Variants in IQCH observed in about 807,000 individuals in gnomAD.
The protein encoded by IQCH is IQ motif containing H, also known as IQ domain-containing protein H.
In IQCH, 98 loss-of-function variants were observed where a neutral mutation model predicts 117.0. That is an observed-to-expected ratio of 0.84 (90% confidence interval 0.71 to 0.99). IQCH has a LOEUF of 0.99. Among genes scored for constraint, IQCH ranks in the 50% least tolerant of loss-of-function variants. The pLI, the probability that IQCH is intolerant of heterozygous loss-of-function variation, is 0.00. For synonymous variants in IQCH, 412 were observed against 448.2 expected, an observed-to-expected ratio of 0.92 and a Z score of 1.02; for missense variants, 1,102 against 1,243.8, an observed-to-expected ratio of 0.89 and a Z score of 1.72.
chr15:67,450,393 A>T (rs1376803874), intron 16 of IQCH, among the ~76,000 whole-genome samples: 4 of 152,158 alleles, frequency 2.6e-5, no homozygotes, highest in African/African-American at 9.6e-5. Context: ...TTGAGATACG[A>T]CCCATCAATA....
rs1381939430 is a variant in IQCH, at chr15:67,385,576, T to C, written c.1456+557T>C. 6.6e-6 allele frequency among the ~76,000 whole-genome samples: 1 copy of C among 152,200 alleles called. No homozygotes were observed. The highest frequency in any genetic ancestry group is 1.5e-5 in the Non-Finnish European group (1 of 68,034). On this transcript the variant is annotated intron_variant, in intron 11 of 20. Transcript: ENST00000335894. This position sits in a 1 kb window ranked among gnomAD's most constrained non-coding sequence, Gnocchi z 4.6. ...TGATTCAGTGATGTATACATCTTTG[T>C]AAAAGTCAGGTTCTGATACTGGTTT...
rs1481620676 is a variant in IQCH at position 67,391,694 on chromosome 15, C to T, written c.1632+2688C>T. ...AATCCACTGCCTGGATCTGATGATA[C>T]TGATGTTCTCCAAATGGTCATACAA... On this transcript the variant is annotated intron_variant, in intron 12 of 20. Coordinates refer to ENST00000335894, the MANE Select transcript of IQCH (RefSeq NM_001031715.3). The surrounding 1 kb of genome is among the most constrained non-coding windows in gnomAD (Gnocchi z 4.3). Among the ~76,000 whole-genome samples the T allele has an allele frequency of 1.3e-5, 2 of 152,164 alleles. No homozygotes were observed. The highest frequency in any genetic ancestry group is 1.9e-4 in the East Asian group (1 of 5,196).
At position 67,491,545 on chromosome 15, in the gene IQCH, T is replaced by C. The variant is rs2083654240; in HGVS notation, c.2861+1481T>C. On this transcript the variant is annotated intron_variant, in intron 19 of 20. Coordinates refer to ENST00000335894, the MANE Select transcript of IQCH (RefSeq NM_001031715.3). The surrounding 1 kb of genome is among the most constrained non-coding windows in gnomAD (Gnocchi z 4.9). ...GTTTCAGTCTTCCCCCAAGATCCCA[T>C]AAACATGCAAAACTTATTGGGTCTT... 6.6e-6 allele frequency among the ~76,000 whole-genome samples: 1 copy of C among 152,098 alleles called. No individual in the cohort carries two copies. The highest frequency in any genetic ancestry group is 2.1e-4 in the South Asian group (1 of 4,826).
Position 67,432,050 on chromosome 15 carries a change from A to T in IQCH, c.2505+10473A>T, listed in dbSNP as rs934421721. Among the ~76,000 whole-genome samples, 10 of 152,202 alleles carry T rather than the reference A, an allele frequency of 6.6e-5. No individual in the cohort carries two copies. Among genetic ancestry groups the T allele is most frequent in the Admixed American group, 4.6e-4 (7 of 15,274 alleles). ...GCAAGACCCTGTCTCAAAAATAAAT[A>T]AATAAATTAACTCTTATTTTAGATA... On this transcript the variant is annotated intron_variant, in intron 16 of 20. Transcript: ENST00000335894. This position sits in a 1 kb window ranked among gnomAD's most constrained non-coding sequence, Gnocchi z 5.0.
rs906434837 is a variant in IQCH, at chr15:67,425,481, A to T, written c.2505+3904A>T. 6.6e-6 allele frequency among the ~76,000 whole-genome samples: 1 copy of T among 152,148 alleles called. No individual in the cohort carries two copies. The highest frequency in any genetic ancestry group is 1.9e-4 in the East Asian group (1 of 5,196). On this transcript the variant is annotated intron_variant, in intron 16 of 20. Coordinates refer to ENST00000335894, the MANE Select transcript of IQCH (RefSeq NM_001031715.3). The surrounding 1 kb of genome is among the most constrained non-coding windows in gnomAD (Gnocchi z 5.5). The stretch of plus-strand genomic sequence containing the variant: ...ACAAAAATTAGCTGGGCGTGGTGGC[A>T]TGTGCCTGTAGTCCCAGCTGCCCGG...
Position 67,472,969 on chromosome 15 carries a change from G to A in IQCH, c.2677-2727G>A, listed in dbSNP as rs2083108699. 6.6e-6 allele frequency among the ~76,000 whole-genome samples: 1 copy of A among 152,112 alleles called. No individual in the cohort carries two copies. The highest frequency in any genetic ancestry group is 2.4e-5 in the African/African-American group (1 of 41,418). On this transcript the variant is annotated intron_variant, in intron 17 of 20. Coordinates refer to ENST00000335894, the MANE Select transcript of IQCH (RefSeq NM_001031715.3). The surrounding 1 kb of genome is among the most constrained non-coding windows in gnomAD (Gnocchi z 4.3). ...TGTTGTCTAGTAATCATGTACTACT[G>A]GACAGTAAGCTCTTCTGCTGTGCTT... is the stretch of plus-strand genomic sequence containing the variant.
At chr15:67,362,589 CT>C (rs987994271) in intron 8 of IQCH, among the ~76,000 whole-genome samples, 5 of 152,200 alleles carry the variant, frequency 3.3e-5, no homozygotes, top group Admixed American at 2.0e-4. Flanking sequence ...ATCACTGCCC[CT>C]ATCTGCTCTC....
rs182861372 is a variant in IQCH, at chr15:67,398,794, C to A, written c.1906-1320C>A. Among the ~76,000 whole-genome samples, 15 of 151,976 alleles carry A rather than the reference C, an allele frequency of 9.9e-5. No individual in the cohort carries two copies. In the East Asian group the frequency reaches 2.5e-3, roughly 25 times the overall value. ...AAAGAGGATAAGAGTGTCACAGAAT[C>A]CTTCCGTACAGAAAACCATAGCCAA... On this transcript the variant is annotated intron_variant, in intron 13 of 20. Coordinates refer to ENST00000335894, the MANE Select transcript of IQCH (RefSeq NM_001031715.3).
At position 67,405,593 on chromosome 15, in the gene IQCH, TATTCTC is replaced by T. The variant is rs1227072711; in HGVS notation, c.2097+5290_2097+5295del. 1 of 152,234 alleles carries T rather than the reference TATTCTC, an allele frequency of 6.6e-6. No individual in the cohort carries two copies. The highest frequency in any genetic ancestry group is 1.5e-5 in the Non-Finnish European group (1 of 68,046). 9.4% of individuals were successfully genotyped at this position (152,234 alleles called of 1,614,324 possible). ...ACTTCTGTTTACAGATGAAGAAACTTATTCTCAAGAAGTGACTTGCCCAAATTTATA... is the reference window on the plus strand; with the variant it reads ...ACTTCTGTTTACAGATGAAGAAACTTAAGAAGTGACTTGCCCAAATTTATA... On this transcript the variant is annotated intron_variant, in intron 14 of 20. Transcript: ENST00000335894. The surrounding 1 kb of genome is among the most constrained non-coding windows in gnomAD (Gnocchi z 4.8).
At chr15:67,380,157 GTTC>G (rs1970876932) in intron 10 of IQCH, among the ~76,000 whole-genome samples, 1 of 152,102 alleles carries the variant, frequency 6.6e-6, no homozygotes, top group Non-Finnish European at 1.5e-5. Flanking sequence ...CAGCCAGGTA[GTTC>G]TTTATAGCAG....
At chr15:67,488,846 A>C (rs1567230851) in intron 18 of IQCH, among the ~76,000 whole-genome samples, 2 of 152,030 alleles carry the variant, frequency 1.3e-5, no homozygotes, top group African/African-American at 4.8e-5. Flanking sequence ...TCTGGTGGTA[A>C]TGCTTGCTTG....
At chr15:67,285,049 G>T (rs2140487594) in intron 4 of IQCH, among the ~76,000 whole-genome samples, 1 of 152,250 alleles carries the variant, frequency 6.6e-6, no homozygotes, top group Non-Finnish European at 1.5e-5. Context: ...TTCCACAATG[G>T]TTGAACTATT....
Position 67,369,096 on chromosome 15 carries a change from C to G in IQCH, c.754-3015C>G, listed in dbSNP as rs1306839180. ...TGCAACACTGGGTCTATCTTTTTTG[C>G]TTAACATCTGTGACTTACTAACATA... On this transcript the variant is annotated intron_variant, in intron 8 of 20. Coordinates refer to ENST00000335894, the MANE Select transcript of IQCH (RefSeq NM_001031715.3). This position sits in a 1 kb window ranked among gnomAD's most constrained non-coding sequence, Gnocchi z 5.2. Among the ~76,000 whole-genome samples the G allele has an allele frequency of 6.6e-6, 1 of 152,096 alleles. No individual in the cohort carries two copies. Among genetic ancestry groups the G allele is most frequent in the African/African-American group, 2.4e-5 (1 of 41,396 alleles).
chr15:67,473,798 G>A lies in IQCH; in HGVS notation c.2677-1898G>A, dbSNP rs1345169751. 6.6e-6 allele frequency among the ~76,000 whole-genome samples: 1 copy of A among 152,074 alleles called. No homozygotes were observed. Among genetic ancestry groups the A allele is most frequent in the Non-Finnish European group, 1.5e-5 (1 of 68,008 alleles). ...CAGAGTACAGTAGTGAGGCATATGA[G>A]GATCAAATCAATTTTCTGTTGTTAG... On this transcript the variant is annotated intron_variant, in intron 17 of 20. Coordinates refer to ENST00000335894, the MANE Select transcript of IQCH (RefSeq NM_001031715.3). This position sits in a 1 kb window ranked among gnomAD's most constrained non-coding sequence, Gnocchi z 4.9.
rs2083477857 is a variant in IQCH, at chr15:67,486,267, T to C, written c.2800-3736T>C. ...GCTGGCCAGGCTGGTCTCAAACTCC[T>C]GACCTCATGATCCGCCCGCCTCGGC... On this transcript the variant is annotated intron_variant, in intron 18 of 20. Transcript: ENST00000335894. Among the ~76,000 whole-genome samples, 3 of 151,864 alleles carry C rather than the reference T, an allele frequency of 2.0e-5. No homozygotes were observed. In the South Asian group the frequency reaches 6.3e-4, roughly 32 times the overall value.
chr15:67,426,819 T>A lies in IQCH; in HGVS notation c.2505+5242T>A, dbSNP rs757375884. On this transcript the variant is annotated intron_variant, in intron 16 of 20. Transcript: ENST00000335894. This position sits in a 1 kb window ranked among gnomAD's most constrained non-coding sequence, Gnocchi z 5.1. ...AAAGGTCCAGTCTCTACCAAAAAAATTTTTAAAATAAACAAAATTAGCCAA... is the reference window on the plus strand; with the variant it reads ...AAAGGTCCAGTCTCTACCAAAAAAAATTTTAAAATAAACAAAATTAGCCAA... Among the ~76,000 whole-genome samples the A allele has an allele frequency of 1.3e-4, 20 of 151,580 alleles. No homozygotes were observed. Among genetic ancestry groups the A allele is most frequent in the African/African-American group, 2.2e-4 (9 of 41,346 alleles).
chr15:67,443,153 C>T lies in IQCH; in HGVS notation c.2505+21576C>T, dbSNP rs556501974. ...GACTACAGGCGCCCGCCACAGCGCCCGGCTAATTTTTTGTATTTTTAGTAG... is the reference window on the plus strand; with the variant it reads ...GACTACAGGCGCCCGCCACAGCGCCTGGCTAATTTTTTGTATTTTTAGTAG... On this transcript the variant is annotated intron_variant, in intron 16 of 20. Transcript: ENST00000335894. This position sits in a 1 kb window ranked among gnomAD's most constrained non-coding sequence, Gnocchi z 5.0. 2.8e-4 allele frequency among the ~76,000 whole-genome samples: 43 copies of T among 152,130 alleles called. No individual in the cohort carries two copies. Among genetic ancestry groups the T allele is most frequent in the Middle Eastern group, 3.4e-3 (1 of 294 alleles).
rs548147829 is a variant in IQCH, at chr15:67,369,515, G to C, written c.754-2596G>C. Among the ~76,000 whole-genome samples the C allele has an allele frequency of 2.0e-5, 3 of 150,960 alleles. No homozygotes were observed. The highest frequency in any genetic ancestry group is 4.9e-5 in the African/African-American group (2 of 40,958). On this transcript the variant is annotated intron_variant, in intron 8 of 20. Transcript: ENST00000335894. The surrounding 1 kb of genome is among the most constrained non-coding windows in gnomAD (Gnocchi z 5.2). ...AGAAAAAGAAAAAAGAGAAAGAAGA[G>C]AGGGAAGGGGAAAGAAGGGAAGGAG...
chr15:67,432,197 G>A lies in IQCH; in HGVS notation c.2505+10620G>A, dbSNP rs2082034962. Among the ~76,000 whole-genome samples the A allele has an allele frequency of 1.3e-5, 2 of 152,142 alleles. No individual in the cohort carries two copies. Among genetic ancestry groups the A allele is most frequent in the Admixed American group, 1.3e-4 (2 of 15,274 alleles). On this transcript the variant is annotated intron_variant, in intron 16 of 20. Transcript: ENST00000335894. This position sits in a 1 kb window ranked among gnomAD's most constrained non-coding sequence, Gnocchi z 5.0. The stretch of plus-strand genomic sequence containing the variant: ...ATTGATATGAAAACTAGCTATTGGA[G>A]AGTAGTAATGGCCCTTCCAAAACAT...
Sources: gnomAD v4.1 joint callset for allele counts (sites outside exome capture counted in the v4.1 genomes callset) on GRCh38, gnomAD v4.1.1 for gene constraint, Gnocchi (gnomAD v3.1) non-coding constraint, MANE v1.5 for transcripts, NCBI Gene and HGNC (gene_info 2026-07-23, HGNC 2026-07-21) for gene names.